The following GRM1 variants were observed in gnomAD, a reference collection of about 807,000 sequenced individuals.
GRM1 encodes metabotropic glutamate receptor 1.
In GRM1, 33 loss-of-function variants were observed where a neutral mutation model predicts 90.9. The observed-to-expected ratio is 0.36, with a 90% CI of 0.28 to 0.49. The LOEUF is 0.49. Ranked by LOEUF, GRM1 falls within the 20% of genes least tolerant of loss-of-function variation. GRM1 has a pLI of 0.99. For synonymous variants in GRM1, 700 were observed against 613.2 expected, an observed-to-expected ratio of 1.14 and a Z score of -2.09; for missense variants, 1,190 against 1,534.3, an observed-to-expected ratio of 0.78 and a Z score of 3.75.
At chr6:146,100,408 C>G (rs1777011435) in intron 1 of GRM1, among the ~76,000 whole-genome samples, 1 of 152,112 alleles carries the variant, frequency 6.6e-6, no homozygotes, top group Non-Finnish European at 1.5e-5. Context: ...TACTTTTACT[C>G]TCTCCTCAAA....
rs114187147 is a variant in GRM1, at chr6:146,399,403, G to C, written c.2364G>C (p.Ala788=). The change falls in exon 7 of 8, where the codon GCG becomes GCC. Residue 788 remains alanine (A), a synonymous_variant. Transcript: ENST00000282753. The surrounding 1 kb of genome is among the most constrained non-coding windows in gnomAD (Gnocchi z 5.4). ...ACTTCAACGAGGCCAAATATATCGC[G>C]TTCACCATGTACACCACCTGTATCA... is the stretch of plus-strand genomic sequence containing the variant. ...PANFNEAKYI[A]FTMYTTCIIW... 823 of 1,614,088 alleles carry C rather than the reference G, an allele frequency of 5.1e-4. 5 individuals are homozygous for C. In the African/African-American group the frequency reaches 9.7e-3, roughly 19 times the overall value.
Position 146,237,863 on chromosome 6 carries a change from G to T in GRM1, c.951-66748G>T, listed in dbSNP as rs151226777. On this transcript the variant is annotated intron_variant, in intron 2 of 7. Coordinates refer to ENST00000282753, the MANE Select transcript of GRM1 (RefSeq NM_001278064.2). ...ATTGTTTTACAAGGGCGTAAGTACA[G>T]ACTACGTACTCAAGATTTATGTAGC... 2.6e-3 allele frequency among the ~76,000 whole-genome samples: 400 copies of T among 152,280 alleles called. 3 individuals are homozygous for T. Among genetic ancestry groups the T allele is most frequent in the African/African-American group, 8.9e-3 (368 of 41,558 alleles).
At chr6:146,427,066 T>C (rs139091612) in intron 7 of GRM1, among the ~76,000 whole-genome samples, 2 of 152,116 alleles carry the variant, frequency 1.3e-5, no homozygotes, top group Non-Finnish European at 2.9e-5. Context: ...GTAAAAGCCA[T>C]AGCTTGAATT....
In GRM1 at chr6:146,087,071, C is replaced by T. The variant is rs549930531; in HGVS notation, c.700+56854C>T. On this transcript the variant is annotated intron_variant, in intron 1 of 7. Coordinates refer to ENST00000282753, the MANE Select transcript of GRM1 (RefSeq NM_001278064.2). ...TGTTAAGTTTAAAGAAATCAACTTT[C>T]AAAATTTATGTTATCCAGTTTTTCT... Among the ~76,000 whole-genome samples, 11 of 152,136 alleles carry T rather than the reference C, an allele frequency of 7.2e-5. No homozygotes were observed. The South Asian group carries it at 2.1e-3, about 29-fold the overall frequency.
chr6:146,275,443 C>T (rs1782319659), intron 2 of GRM1, among the ~76,000 whole-genome samples: 1 of 152,058 alleles, frequency 6.6e-6, no homozygotes. Context: ...GAATCAAGTT[C>T]ATTTCATGGA....
At chr6:146,166,178 C>T (rs1427102591) in intron 2 of GRM1, among the ~76,000 whole-genome samples, 2 of 152,110 alleles carry the variant, frequency 1.3e-5, no homozygotes, top group Non-Finnish European at 2.9e-5. Context: ...GGGTTTAAAT[C>T]ACAATCAGCA....
At chr6:146,158,080 G>A (rs536735424) in intron 1 of GRM1, among the ~76,000 whole-genome samples, 1 of 152,206 alleles carries the variant, frequency 6.6e-6, no homozygotes, top group South Asian at 2.1e-4. Flanking sequence ...TATCATTTTT[G>A]GTACATGTGC....
rs371204618 is a variant in GRM1, at chr6:146,243,434, T to G, written c.951-61177T>G. On this transcript the variant is annotated intron_variant, in intron 2 of 7. Coordinates refer to ENST00000282753, the MANE Select transcript of GRM1 (RefSeq NM_001278064.2). ...TGTTCTTGTGTCTGCCTTGAGTAAT[T>G]CTTTCATGCCAGAATTATAGAATAG... 9.2e-5 allele frequency among the ~76,000 whole-genome samples: 14 copies of G among 152,162 alleles called. 1 individual carries two copies. Among genetic ancestry groups the G allele is most frequent in the African/African-American group, 3.4e-4 (14 of 41,540 alleles).
rs144924511 is a variant in GRM1 at position 146,029,589 on chromosome 6, C to A, written c.72C>A (p.Gly24=). 3.8e-5 allele frequency: 61 copies of A among 1,614,084 alleles called. 1 individual carries two copies. The highest frequency in any genetic ancestry group is 1.6e-4 in the Middle Eastern group (1 of 6,062). The change falls in exon 1 of 8, where the codon GGC becomes GGA. Residue 24 remains glycine (G), a synonymous_variant. Coordinates refer to ENST00000282753, the MANE Select transcript of GRM1 (RefSeq NM_001278064.2). ...TGTCCCTTCTCCCCAGAAGCCCCGG[C>A]AGGAAAGTGTTGCTGGCAGGAGCGT... ...LEVSLLPRSP[G]RKVLLAGASS... is the part of the protein sequence containing the mutation.
At chr6:146,193,125 G>C (rs1298490878) in intron 2 of GRM1, among the ~76,000 whole-genome samples, 1 of 152,188 alleles carries the variant, frequency 6.6e-6, no homozygotes, top group Non-Finnish European at 1.5e-5. Context: ...GACTAGAACA[G>C]AGAAAGATAA....
chr6:146,097,958 A>G (rs1776927073), intron 1 of GRM1, among the ~76,000 whole-genome samples: 1 of 152,168 alleles, frequency 6.6e-6, no homozygotes, highest in Non-Finnish European at 1.5e-5. Flanking sequence ...CTCCTTATTG[A>G]CCACAGATTA....
intron 5 of GRM1, among the ~76,000 whole-genome samples, chr6:146,377,355 G>A (rs1470569218): frequency 6.6e-6 from 1 of 152,102 alleles, no homozygotes; most frequent in Non-Finnish European, 1.5e-5. Context: ...GAAGTGATAT[G>A]GACAATAAGG....
intron 1 of GRM1, among the ~76,000 whole-genome samples, chr6:146,031,586 G>A (rs1790709946): frequency 6.6e-6 from 1 of 152,096 alleles, no homozygotes; most frequent in Admixed American, 6.6e-5. Context: ...AAAACTATCT[G>A]CTGTGATATT....
intron 1 of GRM1, among the ~76,000 whole-genome samples, chr6:146,075,237 G>C (rs539919232): frequency 5.7e-4 from 87 of 152,230 alleles, no homozygotes; most frequent in African/African-American, 1.9e-3. Context: ...CACAATTATT[G>C]TTAGAAAGCC....
At chr6:146,257,576 T>G (rs1781530727) in intron 2 of GRM1, among the ~76,000 whole-genome samples, 1 of 151,958 alleles carries the variant, frequency 6.6e-6, no homozygotes, top group Non-Finnish European at 1.5e-5. Flanking sequence ...ATATAATTTC[T>G]TATAAAGAAT....
At chr6:146,247,527 T>A (rs1781102423) in intron 2 of GRM1, among the ~76,000 whole-genome samples, 1 of 152,010 alleles carries the variant, frequency 6.6e-6, no homozygotes, top group African/African-American at 2.4e-5. Context: ...GGCGAGTGGA[T>A]CACTTGAGGT....
chr6:146,271,464 G>C (rs1051680780), intron 2 of GRM1, among the ~76,000 whole-genome samples: 1 of 152,156 alleles, frequency 6.6e-6, no homozygotes, highest in Admixed American at 6.5e-5. Flanking sequence ...GACAGAGGAG[G>C]AGGCTGTGGA....
intron 2 of GRM1, among the ~76,000 whole-genome samples, chr6:146,247,808 A>G (rs536728236): frequency 1.9e-3 from 276 of 146,352 alleles, no homozygotes; most frequent in African/African-American, 4.4e-3. Flanking sequence ...GTGTGTGTAT[A>G]TATATATATA....
chr6:146,236,712 A>G (rs769981583), intron 2 of GRM1, among the ~76,000 whole-genome samples: 2 of 152,056 alleles, frequency 1.3e-5, no homozygotes, highest in African/African-American at 4.8e-5. Context: ...CACCTTAAGG[A>G]TGATGATATT....
Sources: allele counts gnomAD v4.1 joint callset (sites outside exome capture counted in the v4.1 genomes callset), GRCh38; gene constraint gnomAD v4.1.1; non-coding constraint Gnocchi (gnomAD v3.1); transcripts MANE v1.5; gene names NCBI Gene and HGNC (gene_info 2026-07-23, HGNC 2026-07-21).